The following DLGAP2 variants were observed in gnomAD, a reference collection of about 807,000 sequenced individuals.
The protein encoded by DLGAP2 is disks large-associated protein 2.
DLGAP2 carries 26 observed loss-of-function variants against 100.3 expected under a neutral mutation model. That is an observed-to-expected ratio of 0.26 (90% CI 0.19 to 0.36). The LOEUF (loss-of-function observed/expected upper bound fraction) is 0.36, where lower values mean the gene tolerates loss of function less well. Among genes scored for constraint, DLGAP2 ranks in the 10% least tolerant of loss-of-function variants. DLGAP2 has a pLI of 1.00. For missense variants in DLGAP2, 1,858 were observed against 1,453.2 expected (o/e 1.28, Z -4.53); for synonymous variants, 886 against 630.1 (o/e 1.41, Z -6.08).
chr8:1,585,905 G>A (rs1452030087), intron 6 of DLGAP2, among the ~76,000 whole-genome samples: 4 of 152,196 alleles, frequency 2.6e-5, no homozygotes, highest in African/African-American at 9.6e-5. Context: ...CACTGCCCAT[G>A]ACTTTATCCT....
chr8:1,408,533 C>T (rs1796640206), intron 3 of DLGAP2, among the ~76,000 whole-genome samples: 1 of 152,152 alleles, frequency 6.6e-6, no homozygotes, highest in African/African-American at 2.4e-5. Context: ...GTGCTGCTCT[C>T]CACTGGGACT....
chr8:764,380 A>G (rs1563418874), intron 1 of DLGAP2, among the ~76,000 whole-genome samples: 1 of 152,236 alleles, frequency 6.6e-6, no homozygotes, highest in Non-Finnish European at 1.5e-5. Flanking sequence ...TACTCCATCC[A>G]TCCGAGAGAA....
intron 6 of DLGAP2, among the ~76,000 whole-genome samples, chr8:1,614,168 A>G (rs1157393926): frequency 1.3e-5 from 2 of 152,114 alleles, no homozygotes; most frequent in Admixed American, 6.5e-5. Flanking sequence ...TTCTCATGGG[A>G]TCCTTCACAA....
intron 4 of DLGAP2, among the ~76,000 whole-genome samples, chr8:1,519,987 C>A (rs1800530966): frequency 6.6e-6 from 1 of 152,200 alleles, no homozygotes. Context: ...GGAGGAGCTC[C>A]CAGCTGCTTC....
At chr8:1,029,140 C>G (rs1458676219) in intron 2 of DLGAP2, among the ~76,000 whole-genome samples, 1 of 152,218 alleles carries the variant, frequency 6.6e-6, no homozygotes, top group East Asian at 1.9e-4. Context: ...CCGGCCAGGT[C>G]CCCAGGGCGT....
At chr8:1,600,685 G>A (rs932146209) in intron 6 of DLGAP2, among the ~76,000 whole-genome samples, 2 of 152,094 alleles carry the variant, frequency 1.3e-5, no homozygotes, top group African/African-American at 4.8e-5. Flanking sequence ...ACTTGTGTAT[G>A]CTTCACGAAG....
chr8:1,211,536 C>T (rs187426645), intron 2 of DLGAP2, among the ~76,000 whole-genome samples: 231 of 152,332 alleles, frequency 1.5e-3, no homozygotes, highest in Non-Finnish European at 2.7e-3. Flanking sequence ...AACATGTAAA[C>T]AGCTTATGTG....
At chr8:1,416,675 C>G (rs1047124585) in intron 3 of DLGAP2, among the ~76,000 whole-genome samples, 5 of 152,068 alleles carry the variant, frequency 3.3e-5, no homozygotes, top group Admixed American at 6.5e-5. Context: ...ACATTTCAAT[C>G]CAAAGTGTCT....
At chr8:1,377,303 G>C (rs1225316328) in intron 3 of DLGAP2, among the ~76,000 whole-genome samples, 1 of 152,230 alleles carries the variant, frequency 6.6e-6, no homozygotes, top group Non-Finnish European at 1.5e-5. Context: ...CCAGCACTTT[G>C]GGAGGCCGAG....
At chr8:976,101 A>C (rs1800155870) in intron 2 of DLGAP2, among the ~76,000 whole-genome samples, 1 of 152,224 alleles carries the variant, frequency 6.6e-6, no homozygotes, top group South Asian at 2.1e-4. Context: ...ATTAACACCA[A>C]AAATAAAGAA....
At chr8:1,367,519 A>G (rs1802134971) in intron 3 of DLGAP2, among the ~76,000 whole-genome samples, 1 of 152,166 alleles carries the variant, frequency 6.6e-6, no homozygotes, top group African/African-American at 2.4e-5. Context: ...GTCCAGGCAC[A>G]CCCTGCTGGG....
chr8:921,065 G>A (rs1289994172), intron 2 of DLGAP2, among the ~76,000 whole-genome samples: 1 of 152,126 alleles, frequency 6.6e-6, no homozygotes, highest in Non-Finnish European at 1.5e-5. Context: ...TTGTAACTTC[G>A]CAACTTGATG....
chr8:1,295,507 C>G (rs1401116589), intron 3 of DLGAP2, among the ~76,000 whole-genome samples: 1 of 152,212 alleles, frequency 6.6e-6, no homozygotes, highest in African/African-American at 2.4e-5. Context: ...CCACCGTGAT[C>G]TGCTGGAGCA....
chr8:834,709 A>G (rs1290422911), intron 1 of DLGAP2, among the ~76,000 whole-genome samples: 1 of 152,106 alleles, frequency 6.6e-6, no homozygotes, highest in East Asian at 1.9e-4. Flanking sequence ...GCTATGCCCT[A>G]TTGGGTACTA....
At chr8:1,607,751 C>A (rs879937801) in intron 6 of DLGAP2, among the ~76,000 whole-genome samples, 1,093 of 137,984 alleles carry the variant, frequency 7.9e-3, no homozygotes, top group Non-Finnish European at 8.8e-3. Context: ...TCAGGGAGTT[C>A]CCTTTCTGAG....
chr8:1,235,698 C>A (rs1268690804), intron 2 of DLGAP2, among the ~76,000 whole-genome samples: 2 of 30,430 alleles, frequency 6.6e-5, no homozygotes, highest in Non-Finnish European at 6.2e-5. Flanking sequence ...ATGTCTAGTT[C>A]TCTCACATGG....
chr8:1,430,005 TACATATATATATATATATATATACACAC>T (rs1290909351), intron 3 of DLGAP2, among the ~76,000 whole-genome samples: 4 of 76,846 alleles, frequency 5.2e-5, no homozygotes, highest in Non-Finnish European at 1.0e-4. Flanking sequence ...TGCATATATA[TACATATATATATATATATATATACACAC>T]ACACACATAT....
chr8:1,622,461 T>G (rs1030008244), intron 6 of DLGAP2: 1 of 152,218 alleles, frequency 6.6e-6, no homozygotes, highest in Admixed American at 6.5e-5. Flanking sequence ...CCCTTTGTTA[T>G]GTATATTCGT....
intron 2 of DLGAP2, among the ~76,000 whole-genome samples, chr8:1,046,027 G>C (rs573147791): frequency 6.3e-4 from 96 of 152,254 alleles, no homozygotes; most frequent in South Asian, 1.7e-3. Context: ...AGAATGCTAG[G>C]AATGTGCAAT....
Sources: gnomAD v4.1 joint callset for allele counts (sites outside exome capture counted in the v4.1 genomes callset) on GRCh38, gnomAD v4.1.1 for gene constraint, MANE v1.5 for transcripts, NCBI Gene and HGNC (gene_info 2026-07-23, HGNC 2026-07-21) for gene names.